MYO9A: variants seen among roughly 807,000 people sequenced by gnomAD.
The protein encoded by MYO9A is unconventional myosin-IXa.
MYO9A carries 103 observed loss-of-function variants against 293.3 expected under a neutral mutation model. The observed-to-expected ratio is 0.35, with a 90% CI of 0.30 to 0.41. The LOEUF is 0.41. MYO9A is among the 10% of genes least tolerant of loss of function. The pLI is 1.00. For synonymous variants in MYO9A, 1,001 were observed against 1,035.7 expected (o/e 0.97, Z 0.64); for missense variants, 2,685 against 3,033.0 (o/e 0.89, Z 2.69).
chr15:72,082,558 G>A (rs950477923), intron 1 of MYO9A, among the ~76,000 whole-genome samples: 4 of 151,972 alleles, frequency 2.6e-5, no homozygotes, highest in African/African-American at 4.8e-5. Context: ...TGATTCCTCT[G>A]GCCAGGACTT....
At chr15:72,117,528 C>T (rs2081038399) in intron 1 of MYO9A, among the ~76,000 whole-genome samples, 152 bp downstream of exon 1, 1 of 152,122 alleles carries the variant, frequency 6.6e-6, no homozygotes, top group Non-Finnish European at 1.5e-5. Context: ...GATCCGGGGC[C>T]GTGATCTGGT....
At chr15:71,867,075 A>AACACAC (rs35264363) in intron 32 of MYO9A, among the ~76,000 whole-genome samples, 81 of 148,096 alleles carry the variant, frequency 5.5e-4, no homozygotes, top group Non-Finnish European at 7.5e-4. Context: ...CAAAAAACAA[A>AACACAC]ACACACACAC....
chr15:71,954,335 G>A (rs1225185919), intron 14 of MYO9A, among the ~76,000 whole-genome samples: 1 of 152,086 alleles, frequency 6.6e-6, no homozygotes, highest in Non-Finnish European at 1.5e-5. Flanking sequence ...TGAGTAGCTG[G>A]AACTACAGGC....
At chr15:71,848,457 C>T (rs2055486412) in intron 39 of MYO9A, among the ~76,000 whole-genome samples, 1 of 152,020 alleles carries the variant, frequency 6.6e-6, no homozygotes, top group African/African-American at 2.4e-5. Flanking sequence ...TTCTCTACAT[C>T]CCAGGGGTCT....
At chr15:72,000,593 A>G (rs990870934) in intron 8 of MYO9A, among the ~76,000 whole-genome samples, 1 of 152,226 alleles carries the variant, frequency 6.6e-6, no homozygotes, top group East Asian at 1.9e-4. Flanking sequence ...TCTATAAAGT[A>G]CCATATTGCC....
intron 39 of MYO9A, among the ~76,000 whole-genome samples, chr15:71,839,021 T>C (rs2055045407): frequency 6.6e-6 from 1 of 152,222 alleles, no homozygotes; most frequent in Admixed American, 6.5e-5. Flanking sequence ...ACACTTAAGC[T>C]TCTTTCTGGC....
At chr15:71,961,615 T>C (rs962470100) in intron 13 of MYO9A, among the ~76,000 whole-genome samples, 20 of 152,224 alleles carry the variant, frequency 1.3e-4, no homozygotes, top group African/African-American at 4.3e-4. Context: ...TTGGCTCCTA[T>C]CACACAATAA....
Position 71,922,808 on chromosome 15 carries a change from A to G in MYO9A, c.2563-6316T>C, listed in dbSNP as rs755711783. On this transcript the variant is annotated intron_variant, in intron 18 of 41. Transcript: ENST00000356056. ...AAATATCAAGCACTAAATAATTGAT[A>G]ATTACTAATGTACTTAACATTAGGT... Among the ~76,000 whole-genome samples, 14 of 152,312 alleles carry G rather than the reference A, an allele frequency of 9.2e-5. 1 individual carries two copies. The highest frequency in any genetic ancestry group is 1.0e-4 in the Non-Finnish European group (7 of 68,018).
At chr15:72,027,821 TA>T in intron 3 of MYO9A, 28 bp from the exon 4 acceptor site, 1 of 1,511,032 alleles carries the variant, frequency 6.6e-7, no homozygotes, top group South Asian at 1.2e-5. Flanking sequence ...TTGGTTGATA[TA>T]AATAATAAAG....
At chr15:72,018,030 C>T (rs2077393358) in intron 6 of MYO9A, among the ~76,000 whole-genome samples, 2 of 151,938 alleles carry the variant, frequency 1.3e-5, no homozygotes, top group African/African-American at 4.8e-5. Flanking sequence ...GGTTCAAGAC[C>T]AGCCTGGACA....
intron 1 of MYO9A, among the ~76,000 whole-genome samples, chr15:72,052,518 C>T (rs924586911): frequency 1.3e-5 from 2 of 152,214 alleles, no homozygotes; most frequent in Non-Finnish European, 2.9e-5. Context: ...CTTGTTCGTC[C>T]CATTGTAGGC....
chr15:71,841,595 C>T (rs960773742), intron 39 of MYO9A, among the ~76,000 whole-genome samples: 1 of 151,790 alleles, frequency 6.6e-6, no homozygotes, highest in African/African-American at 2.4e-5. Flanking sequence ...TATTTATAGG[C>T]TATTGAATTC....
At chr15:71,985,505 T>C (rs1272849014) in intron 11 of MYO9A, among the ~76,000 whole-genome samples, 4 of 152,214 alleles carry the variant, frequency 2.6e-5, no homozygotes, top group Admixed American at 6.5e-5. Flanking sequence ...TGATTTACTT[T>C]TGTCTGAGAT....
At chr15:72,082,784 A>C (rs1477596294) in intron 1 of MYO9A, among the ~76,000 whole-genome samples, 1 of 151,496 alleles carries the variant, frequency 6.6e-6, no homozygotes, top group African/African-American at 2.4e-5. Context: ...CTATTGATAT[A>C]ATCATGTGGT....
intron 5 of MYO9A, among the ~76,000 whole-genome samples, chr15:72,019,451 G>A (rs2077436777): frequency 6.6e-6 from 1 of 152,154 alleles, no homozygotes. Context: ...GCTCATTTAT[G>A]AGAGAATATT....
chr15:72,029,403 C>T (rs2077791397), intron 3 of MYO9A, among the ~76,000 whole-genome samples: 1 of 152,178 alleles, frequency 6.6e-6, no homozygotes, highest in South Asian at 2.1e-4. Flanking sequence ...TAGCCTATTG[C>T]TCCTAGGTTA....
chr15:72,024,415 G>T lies in MYO9A; in HGVS notation c.998+3316C>A, dbSNP rs1041851302. Among the ~76,000 whole-genome samples, 4 of 152,138 alleles carry T rather than the reference G, an allele frequency of 2.6e-5. No individual in the cohort carries two copies. The East Asian group carries it at 7.7e-4, about 29-fold the overall frequency. On this transcript the variant is annotated intron_variant, in intron 4 of 41. Coordinates refer to ENST00000356056, the MANE Select transcript of MYO9A (RefSeq NM_006901.4). ...CTCACCTCAGCCTCCTAAGTAGCTG[G>T]GACTACAGGCGTGCATCACCACACC... is the stretch of plus-strand genomic sequence containing the variant.
chr15:71,967,185 T>C (rs1218383269), intron 13 of MYO9A, among the ~76,000 whole-genome samples: 1 of 152,190 alleles, frequency 6.6e-6, no homozygotes, highest in African/African-American at 2.4e-5. Flanking sequence ...TTATAACACA[T>C]AGCCCATTTA....
At chr15:72,115,484 A>G (rs2080938278) in intron 1 of MYO9A, among the ~76,000 whole-genome samples, 1 of 152,226 alleles carries the variant, frequency 6.6e-6, no homozygotes, top group Non-Finnish European at 1.5e-5. Flanking sequence ...CCTAGATTTT[A>G]TCCTGTATGC....
Sources: gnomAD v4.1 joint callset for allele counts (sites outside exome capture counted in the v4.1 genomes callset) on GRCh38, gnomAD v4.1.1 for gene constraint, MANE v1.5 for transcripts, NCBI Gene and HGNC (gene_info 2026-07-23, HGNC 2026-07-21) for gene names.